The following SLC1A3 variants were observed in gnomAD, a reference collection of about 807,000 sequenced individuals.
SLC1A3 encodes excitatory amino acid transporter 1.
A neutral mutation model predicts 48.1 loss-of-function variants in SLC1A3; 21 were observed. The observed-to-expected ratio is 0.44, with a 90% CI of 0.31 to 0.63. SLC1A3 has a LOEUF of 0.63. Among genes scored for constraint, SLC1A3 ranks in the 20% least tolerant of loss-of-function variants. The probability of loss-of-function intolerance (pLI) is 0.08; values close to 1 mark genes in which losing one functional copy is unlikely to be tolerated. For synonymous variants in SLC1A3, 239 were observed against 251.4 expected, an observed-to-expected ratio of 0.95 and a Z score of 0.47; for missense variants, 546 against 689.0, an observed-to-expected ratio of 0.79 and a Z score of 2.32.
At chr5:36,614,176 C>G (rs1561239787) in intron 2 of SLC1A3, among the ~76,000 whole-genome samples, 1 of 152,212 alleles carries the variant, frequency 6.6e-6, no homozygotes, top group African/African-American at 2.4e-5. Context: ...TATGCACAAG[C>G]CATATCACCT....
chr5:36,679,666 G>T lies in SLC1A3; in HGVS notation c.900G>T (p.Lys300Asn), dbSNP rs1297834327. ...GTATTCTCTTCCTGATTGCTGGGAA[G>T]ATTGTGGAGATGGAAGACATGGGTG... Reference protein sequence around the residue: ...PVGILFLIAGKIVEMEDMGVI... With the variant: ...PVGILFLIAGNIVEMEDMGVI... The change falls in exon 7 of 10, where the codon AAG (lysine) becomes AAT (asparagine). Residue 300 changes from lysine (K) to asparagine (N), a missense_variant. Physicochemically the swap from Lys to Asn is moderately conservative, Grantham distance 94 (BLOSUM62 0). Coordinates refer to ENST00000265113, the MANE Select transcript of SLC1A3 (RefSeq NM_004172.5). 1 of 1,614,194 alleles carries T rather than the reference G, an allele frequency of 6.2e-7. No homozygotes were observed. The highest frequency in any genetic ancestry group is 1.1e-5 in the South Asian group (1 of 91,082).
chr5:36,621,205 C>T (rs977368027), intron 2 of SLC1A3, among the ~76,000 whole-genome samples: 1 of 152,078 alleles, frequency 6.6e-6, no homozygotes, highest in African/African-American at 2.4e-5. Context: ...CACGCCTGGC[C>T]GAACTAAATC....
intron 3 of SLC1A3, among the ~76,000 whole-genome samples, chr5:36,655,268 AG>A (rs1369767822): frequency 6.6e-6 from 1 of 152,202 alleles, no homozygotes; most frequent in Admixed American, 6.5e-5. Context: ...ATCAGGTGTA[AG>A]GTCTCTCTTT....
chr5:36,598,098 T>C (rs28656169), intron 1 of SLC1A3, among the ~76,000 whole-genome samples: 2,436 of 152,280 alleles, frequency 0.016, 61 homozygotes, highest in African/African-American at 0.056. Context: ...ATCCGGACTG[T>C]TAGTCCCAGC....
chr5:36,685,926 C>A, intron 9 of SLC1A3, 139 bp from the exon 10 acceptor site: 1 of 724,062 alleles, frequency 1.4e-6, no homozygotes. Context: ...TATTATGTGT[C>A]TATTACGTAA....
At chr5:36,654,413 T>C (rs1741208586) in intron 3 of SLC1A3, among the ~76,000 whole-genome samples, 1 of 152,194 alleles carries the variant, frequency 6.6e-6, no homozygotes, top group South Asian at 2.1e-4. Context: ...ATCTCCCTAC[T>C]TGAAATGTTT....
chr5:36,638,996 C>T (rs1740507191), intron 3 of SLC1A3, among the ~76,000 whole-genome samples: 1 of 152,158 alleles, frequency 6.6e-6, no homozygotes, highest in Non-Finnish European at 1.5e-5. Flanking sequence ...GCAATGCATT[C>T]TCTATTAGAA....
At chr5:36,657,436 T>C (rs1741325094) in intron 3 of SLC1A3, among the ~76,000 whole-genome samples, 1 of 152,176 alleles carries the variant, frequency 6.6e-6, no homozygotes, top group South Asian at 2.1e-4. Flanking sequence ...TATCTAGACT[T>C]AATGAGTGTT....
intron 2 of SLC1A3, among the ~76,000 whole-genome samples, chr5:36,614,348 G>T (rs757194831): frequency 9.2e-5 from 14 of 152,126 alleles, no homozygotes; most frequent in Non-Finnish European, 1.9e-4. Flanking sequence ...TGGGGAGGCT[G>T]GGGGGCAGAA....
chr5:36,680,915 C>CA lies in SLC1A3; in HGVS notation c.1289+342dup, dbSNP rs10710837. On this transcript the variant is annotated intron_variant, in intron 8 of 9. Transcript: ENST00000265113. ...TGGGGGACACAGCAAGACTCCATCT[C>CA]AAAAAAAAAAAAAAAAGAATGCCTT... 6.5e-3 allele frequency among the ~76,000 whole-genome samples: 547 copies of CA among 84,788 alleles called. 1 individual carries two copies. The highest frequency in any genetic ancestry group is 0.014 in the Middle Eastern group (2 of 146). The allele number at this position is 84,788 out of a possible 152,430, so 55.6% of individuals were successfully genotyped here.
At chr5:36,653,678 C>G (rs1375162033) in intron 3 of SLC1A3, among the ~76,000 whole-genome samples, 1 of 152,188 alleles carries the variant, frequency 6.6e-6, no homozygotes, top group African/African-American at 2.4e-5. Context: ...ACCTGATGCA[C>G]TGTTCTGTCT....
At chr5:36,612,180 A>ATC (rs1193427848) in intron 2 of SLC1A3, among the ~76,000 whole-genome samples, 1 of 151,582 alleles carries the variant, frequency 6.6e-6, no homozygotes, top group Non-Finnish European at 1.5e-5. Context: ...TCTGATATTG[A>ATC]TCTCTCACAC....
chr5:36,612,430 A>T (rs1020112018), intron 2 of SLC1A3, among the ~76,000 whole-genome samples: 6 of 152,184 alleles, frequency 3.9e-5, no homozygotes, highest in African/African-American at 7.2e-5. Flanking sequence ...AACATTTTTT[A>T]AAAAAGTATC....
In SLC1A3 at chr5:36,688,208, G is replaced by A. The variant is rs1229668517; in HGVS notation, c.*1939G>A. 1 of 152,166 alleles carries A rather than the reference G, an allele frequency of 6.6e-6. No homozygotes were observed. Among genetic ancestry groups the A allele is most frequent in the Non-Finnish European group, 1.5e-5 (1 of 68,042 alleles). 9.4% of individuals were successfully genotyped at this position (152,166 alleles called of 1,614,324 possible). On this transcript the variant is annotated 3_prime_UTR_variant, in exon 10 of 10. Coordinates refer to ENST00000265113, the MANE Select transcript of SLC1A3 (RefSeq NM_004172.5). ...TATACTAACCATTTCTTATGGAAAGGTCCTGTGGGGAGCCCATCCTCTCGC... is the reference window on the plus strand; with the variant it reads ...TATACTAACCATTTCTTATGGAAAGATCCTGTGGGGAGCCCATCCTCTCGC...
chr5:36,670,943 G>T, intron 3 of SLC1A3, 86 bp from the exon 4 acceptor site: 6 of 1,152,894 alleles, frequency 5.2e-6, no homozygotes, highest in African/African-American at 1.5e-5. Flanking sequence ...GGGTAGGGGA[G>T]TATAAAGGAA....
intron 2 of SLC1A3, chr5:36,608,989 G>A (rs746850193): frequency 1.0e-6 from 1 of 1,003,184 alleles, no homozygotes; most frequent in Non-Finnish European, 1.2e-6. Flanking sequence ...TATACAATTA[G>A]TACACCTAAA....
intron 3 of SLC1A3, among the ~76,000 whole-genome samples, chr5:36,649,139 T>G (rs567912486): frequency 6.6e-6 from 1 of 151,708 alleles, no homozygotes; most frequent in Non-Finnish European, 1.5e-5. Context: ...AGATTGGGAG[T>G]TCGAGACCAG....
At chr5:36,653,196 A>T (rs1422073266) in intron 3 of SLC1A3, among the ~76,000 whole-genome samples, 1 of 152,226 alleles carries the variant, frequency 6.6e-6, no homozygotes, top group Admixed American at 6.5e-5. Context: ...ACTTCTCAGC[A>T]GCTGCTTACA....
intron 3 of SLC1A3, among the ~76,000 whole-genome samples, chr5:36,660,780 T>C (rs1031990008): frequency 2.6e-5 from 4 of 152,228 alleles, no homozygotes; most frequent in African/African-American, 9.6e-5. Flanking sequence ...CAATGAGCTT[T>C]TAAATGCTGA....
Sources: allele counts gnomAD v4.1 joint callset (sites outside exome capture counted in the v4.1 genomes callset), GRCh38; gene constraint gnomAD v4.1.1; transcripts MANE v1.5; gene names NCBI Gene and HGNC (gene_info 2026-07-23, HGNC 2026-07-21).